The following PPP2R5E variants were observed in gnomAD, a reference collection of about 807,000 sequenced individuals.
The protein encoded by PPP2R5E is protein phosphatase 2 regulatory subunit B'epsilon.
A neutral mutation model predicts 65.3 loss-of-function variants in PPP2R5E; 4 were observed. The observed-to-expected ratio is 0.06, with a 90% CI of 0.03 to 0.14. The LOEUF (loss-of-function observed/expected upper bound fraction) is 0.14. Ranked by LOEUF, PPP2R5E falls within the 10% of genes least tolerant of loss-of-function variation. The pLI, the probability that PPP2R5E is intolerant of heterozygous loss-of-function variation, is 1.00. For synonymous variants in PPP2R5E, 183 were observed against 187.4 expected, an observed-to-expected ratio of 0.98 and a Z score of 0.19; for missense variants, 274 against 556.1, an observed-to-expected ratio of 0.49 and a Z score of 5.10.
At chr14:63,422,130 A>C (rs765973355) in intron 3 of PPP2R5E, 36 bp from the exon 4 acceptor site, 1 of 1,536,200 alleles carries the variant, frequency 6.5e-7, no homozygotes, top group South Asian at 1.1e-5. Flanking sequence ...AACGGGAAGC[A>C]CCTTCTGCAC....
intron 2 of PPP2R5E, among the ~76,000 whole-genome samples, chr14:63,455,015 T>C (rs1237934338): frequency 6.6e-6 from 1 of 152,234 alleles, no homozygotes; most frequent in Admixed American, 6.5e-5. Flanking sequence ...ATGTTCCTTT[T>C]GTACTAAGCA....
intron 2 of PPP2R5E, among the ~76,000 whole-genome samples, chr14:63,504,508 G>A (rs1892063030): frequency 6.6e-6 from 1 of 152,132 alleles, no homozygotes; most frequent in African/African-American, 2.4e-5. Flanking sequence ...CTTGAACCTA[G>A]GAGGCGGAGG....
chr14:63,435,781 A>C (rs1887926510), intron 3 of PPP2R5E, among the ~76,000 whole-genome samples: 1 of 152,116 alleles, frequency 6.6e-6, no homozygotes, highest in Non-Finnish European at 1.5e-5. Flanking sequence ...GCAACTTTTT[A>C]CCTGCTGAAA....
chr14:63,409,467 C>A (rs545798843), intron 5 of PPP2R5E, among the ~76,000 whole-genome samples: 1 of 152,046 alleles, frequency 6.6e-6, no homozygotes, highest in Admixed American at 6.6e-5. Context: ...TCTATCAATG[C>A]GGGCAGATAA....
At chr14:63,526,302 G>A (rs1258626685) in intron 2 of PPP2R5E, among the ~76,000 whole-genome samples, 1 of 152,212 alleles carries the variant, frequency 6.6e-6, no homozygotes, top group Non-Finnish European at 1.5e-5. Context: ...GAATGGGCAA[G>A]CGAAATGGAG....
chr14:63,455,343 A>T (rs1011715283), intron 2 of PPP2R5E, among the ~76,000 whole-genome samples: 1 of 152,208 alleles, frequency 6.6e-6, no homozygotes, highest in Non-Finnish European at 1.5e-5. Flanking sequence ...GAGAGTGGAT[A>T]GGACACCTAA....
At chr14:63,484,218 C>T (rs181748549) in intron 2 of PPP2R5E, among the ~76,000 whole-genome samples, 1 of 151,964 alleles carries the variant, frequency 6.6e-6, no homozygotes, top group Non-Finnish European at 1.5e-5. Context: ...CAAGGAGTAG[C>T]TGGAAATACA....
At chr14:63,497,663 G>A (rs946671914) in intron 2 of PPP2R5E, among the ~76,000 whole-genome samples, 4 of 151,884 alleles carry the variant, frequency 2.6e-5, no homozygotes, top group African/African-American at 7.3e-5. Context: ...CAGGAGAATC[G>A]CTTGAAACTG....
At chr14:63,440,416 C>CA (rs74901952) in intron 3 of PPP2R5E, among the ~76,000 whole-genome samples, 2,421 of 133,026 alleles carry the variant, frequency 0.018, 33 homozygotes, top group Middle Eastern at 0.069. Context: ...TGTTCTTAAG[C>CA]AAAAAAAAAA....
At chr14:63,453,982 TAAG>T in intron 2 of PPP2R5E, 97 bp from the exon 3 acceptor site, 1 of 967,974 alleles carries the variant, frequency 1.0e-6, no homozygotes, top group Non-Finnish European at 1.4e-6. Context: ...TAAAAAAAAA[TAAG>T]AATTCACATG....
At chr14:63,404,510 C>G (rs1182935323) in intron 5 of PPP2R5E, among the ~76,000 whole-genome samples, 1 of 152,168 alleles carries the variant, frequency 6.6e-6, no homozygotes, top group Non-Finnish European at 1.5e-5. Flanking sequence ...GGTAGTCTGA[C>G]TCCAGTGAAT....
chr14:63,464,178 A>G (rs1488291544), intron 2 of PPP2R5E, among the ~76,000 whole-genome samples: 2 of 152,214 alleles, frequency 1.3e-5, no homozygotes, highest in Non-Finnish European at 2.9e-5. Flanking sequence ...GACTACTGTG[A>G]TAACATAATG....
At position 63,493,480 on chromosome 14, in the gene PPP2R5E, G is replaced by GCA. The variant is rs1231279506; in HGVS notation, c.158-39596_158-39595insTG. 2.7e-4 allele frequency among the ~76,000 whole-genome samples: 36 copies of GCA among 135,730 alleles called. 1 individual carries two copies. The highest frequency in any genetic ancestry group is 2.3e-3 in the Admixed American group (33 of 14,474). The allele number at this position is 135,730 out of a possible 152,430, so 89.0% of individuals were successfully genotyped here. A position where few individuals can be genotyped will look rare whatever the true frequency, so the allele number is the denominator to read the frequency against. On this transcript the variant is annotated intron_variant, in intron 2 of 13. Transcript: ENST00000337537. Reference sequence around the variant, plus strand: ...TCCAGACATTGCCAAATTACCGCGCGCGCGTGTGTGTGTGCGTGTGTGTGG... The same window carrying GCA: ...TCCAGACATTGCCAAATTACCGCGCGCACGCGTGTGTGTGTGCGTGTGTGTGG...
At chr14:63,495,996 T>C (rs914822937) in intron 2 of PPP2R5E, among the ~76,000 whole-genome samples, 12 of 152,050 alleles carry the variant, frequency 7.9e-5, no homozygotes, top group Non-Finnish European at 1.3e-4. Flanking sequence ...CAGCCAAGCA[T>C]ATGGTTAAGC....
intron 2 of PPP2R5E, among the ~76,000 whole-genome samples, chr14:63,459,756 G>A (rs1365115534): frequency 1.3e-5 from 2 of 152,160 alleles, no homozygotes; most frequent in Admixed American, 6.5e-5. Flanking sequence ...ATGTCACTAC[G>A]GTTAAAAACC....
At chr14:63,385,125 G>A (rs1004736446) in intron 11 of PPP2R5E, among the ~76,000 whole-genome samples, 3 of 152,084 alleles carry the variant, frequency 2.0e-5, no homozygotes, top group Non-Finnish European at 4.4e-5. Flanking sequence ...CCAAGAGTCT[G>A]AGACCAGCCT....
intron 2 of PPP2R5E, among the ~76,000 whole-genome samples, chr14:63,533,185 G>A (rs369085639): frequency 3.9e-5 from 6 of 151,902 alleles, no homozygotes; most frequent in Admixed American, 1.3e-4. Context: ...ACATTCACTC[G>A]TTATAAAAAT....
chr14:63,395,110 G>A (rs1350112994), intron 7 of PPP2R5E, 116 bp downstream of exon 7: 1 of 795,652 alleles, frequency 1.3e-6, no homozygotes. Flanking sequence ...GCACAAATGA[G>A]AGAGACCCAA....
At chr14:63,422,283 C>T (rs1034445053) in intron 3 of PPP2R5E, among the ~76,000 whole-genome samples, 189 bp from the exon 4 acceptor site, 2 of 152,180 alleles carry the variant, frequency 1.3e-5, no homozygotes, top group Non-Finnish European at 1.5e-5. Context: ...AGTAGCAAAG[C>T]AGCACCATCC....
Sources: gnomAD v4.1 joint callset for allele counts (sites outside exome capture counted in the v4.1 genomes callset) on GRCh38, gnomAD v4.1.1 for gene constraint, MANE v1.5 for transcripts, NCBI Gene and HGNC (gene_info 2026-07-23, HGNC 2026-07-21) for gene names.